Variants in PCLAF observed in about 807,000 individuals in gnomAD.
PCLAF encodes the protein PCNA clamp associated factor.
A neutral mutation model predicts 15.1 loss-of-function variants in PCLAF; 12 were observed. The observed-to-expected ratio is 0.79, with a 90% CI of 0.51 to 1.29. The LOEUF is 1.29. Ranked by LOEUF, PCLAF falls within the 50% of genes most tolerant of loss-of-function variation. The pLI, the probability that PCLAF is intolerant of heterozygous loss-of-function variation, is 0.00. For synonymous variants in PCLAF, 33 were observed against 47.1 expected (o/e 0.70, Z 1.22); for missense variants, 116 against 130.9 (o/e 0.89, Z 0.56).
chr15:64,379,719 T>C (rs1224736061), intron 2 of PCLAF, among the ~76,000 whole-genome samples: 1 of 152,186 alleles, frequency 6.6e-6, no homozygotes. Flanking sequence ...TTAATCTCCC[T>C]GTCTGCCAAA....
chr15:64,374,982 C>T lies in PCLAF; in HGVS notation c.290+1761G>A, dbSNP rs1448604325. Among the ~76,000 whole-genome samples the T allele has an allele frequency of 6.6e-5, 10 of 151,896 alleles. No individual in the cohort carries two copies. The East Asian group carries it at 1.9e-3, about 29-fold the overall frequency. On this transcript the variant is annotated intron_variant, in intron 3 of 3. Transcript: ENST00000300035. ...AAGTTTGGTGTGTGTAGTTTTATCC[C>T]TACTTTTTGTTTTTCACTATTCTTA...
upstream of PCLAF, chr15:64,381,472 T>G (rs1283577033): frequency 1.9e-6 from 3 of 1,608,396 alleles, no homozygotes; most frequent in Non-Finnish European, 2.5e-6. Flanking sequence ...CAGTTTATAT[T>G]GGTCTCTTTC....
At chr15:64,367,556 GT>G (rs1010482232) in intron 3 of PCLAF, among the ~76,000 whole-genome samples, 10 of 149,190 alleles carry the variant, frequency 6.7e-5, no homozygotes, top group Non-Finnish European at 1.3e-4. Context: ...ACCCATTATA[GT>G]TTTTTTTTTG....
chr15:64,384,292 T>C (rs1304213625), upstream of PCLAF, among the ~76,000 whole-genome samples: 1 of 151,874 alleles, frequency 6.6e-6, no homozygotes, highest in African/African-American at 2.4e-5. Flanking sequence ...TGCCACCACA[T>C]CCAGCTAACT....
chr15:64,382,249 G>A (rs1899841536), upstream of PCLAF, among the ~76,000 whole-genome samples: 1 of 151,718 alleles, frequency 6.6e-6, no homozygotes. Context: ...AAAATTAGCC[G>A]GGTGCAGTGG....
Position 64,371,001 on chromosome 15 carries a change from C to T in PCLAF, c.291-4926G>A, listed in dbSNP as rs1899287336. Among the ~76,000 whole-genome samples, 3 of 139,970 alleles carry T rather than the reference C, an allele frequency of 2.1e-5. No individual in the cohort carries two copies. The South Asian group carries it at 6.7e-4, about 31-fold the overall frequency. 91.8% of individuals were successfully genotyped at this position (139,970 alleles called of 152,430 possible). On this transcript the variant is annotated intron_variant, in intron 3 of 3. Coordinates refer to ENST00000300035, the MANE Select transcript of PCLAF (RefSeq NM_014736.6). ...TTTTTTTTTTTGAGACGGAGTCTCGCGCTGTCGCCCAGGCTGGAGTGCAGT... is the reference window on the plus strand; with the variant it reads ...TTTTTTTTTTTGAGACGGAGTCTCGTGCTGTCGCCCAGGCTGGAGTGCAGT...
At position 64,380,981 on chromosome 15, in the gene PCLAF, G is replaced by A. The variant is rs1403606308; in HGVS notation, c.104C>T (p.Ser35Leu). ...ACCTTTCCTCGATGAAACTGATGTC[G>A]AATTAGTGGCAGAGGTGGAAGAACC... ...VLGSSTSATN[S>L]TSVSSRKAEN... The change falls in exon 2 of 4, where the codon TCG becomes TTG. Residue 35 changes from serine to leucine, a missense_variant. Ser to Leu is a moderately radical substitution (Grantham distance 145, BLOSUM62 -2). Coordinates refer to ENST00000300035, the MANE Select transcript of PCLAF (RefSeq NM_014736.6). 1.2e-6 allele frequency: 2 copies of A among 1,614,072 alleles called. No homozygotes were observed. The highest frequency in any genetic ancestry group is 1.7e-6 in the Non-Finnish European group (2 of 1,180,004).
chr15:64,378,782 A>G (rs931314515), intron 2 of PCLAF, among the ~76,000 whole-genome samples: 3 of 152,108 alleles, frequency 2.0e-5, no homozygotes, highest in Admixed American at 6.6e-5. Context: ...ATGGTGGCGC[A>G]TGCCTGTAAT....
chr15:64,369,014 A>T (rs1899168146), intron 3 of PCLAF, among the ~76,000 whole-genome samples: 1 of 152,204 alleles, frequency 6.6e-6, no homozygotes. Context: ...CAGAGAACTA[A>T]AAGAAATTTA....
chr15:64,385,638 GAAAAAAAAAAGA>G (rs1383643314), upstream of PCLAF, among the ~76,000 whole-genome samples: 1 of 145,082 alleles, frequency 6.9e-6, no homozygotes, highest in Non-Finnish European at 1.5e-5. Flanking sequence ...AAAAGAAAAA[GAAAAAAAAAAGA>G]AAAAGAAAAA....
rs1282238766 is a variant in PCLAF at position 64,376,738 on chromosome 15, C to G, written c.290+5G>C. On this transcript the variant is annotated splice_donor_5th_base_variant and intron_variant, in intron 3 of 3. Coordinates refer to ENST00000300035, the MANE Select transcript of PCLAF (RefSeq NM_014736.6). ...TTCTTTATATTCCAGAATATAAAAA[C>G]TTACTTTCTCTTTGCTTTTCCTAAG... 1.2e-6 allele frequency: 2 copies of G among 1,606,278 alleles called. No homozygotes were observed. The highest frequency in any genetic ancestry group is 1.7e-6 in the Non-Finnish European group (2 of 1,175,744).
intron 3 of PCLAF, among the ~76,000 whole-genome samples, chr15:64,374,005 G>T (rs1899474539): frequency 6.6e-6 from 1 of 151,876 alleles, no homozygotes; most frequent in Non-Finnish European, 1.5e-5. Flanking sequence ...ATGACCTTCA[G>T]AAATTTTTCT....
intron 3 of PCLAF, among the ~76,000 whole-genome samples, chr15:64,376,166 A>C (rs1013092964): frequency 1.3e-5 from 2 of 152,140 alleles, no homozygotes; most frequent in Non-Finnish European, 2.9e-5. Flanking sequence ...CGGAGGTTGC[A>C]GTGAGCTGAG....
chr15:64,370,189 AC>A (rs1309752329), intron 3 of PCLAF, among the ~76,000 whole-genome samples: 3 of 144,730 alleles, frequency 2.1e-5, no homozygotes, highest in African/African-American at 7.8e-5. Flanking sequence ...AGCGACTCCC[AC>A]CTTAACCTCC....
intron 3 of PCLAF, among the ~76,000 whole-genome samples, chr15:64,372,142 A>C (rs1490906304): frequency 6.6e-6 from 1 of 152,338 alleles, no homozygotes; most frequent in East Asian, 1.9e-4. Flanking sequence ...ATGCACTTCT[A>C]ATTTTTGGAA....
chr15:64,386,735 C>T (rs1002270759), intron 1 of PCLAF, among the ~76,000 whole-genome samples: 15 of 151,948 alleles, frequency 9.9e-5, no homozygotes, highest in African/African-American at 3.4e-4. Context: ...ACACTGCGCC[C>T]GGCCAATACA....
upstream of PCLAF, among the ~76,000 whole-genome samples, chr15:64,384,891 G>C (rs553243973): frequency 2.0e-5 from 3 of 151,998 alleles, no homozygotes; most frequent in Non-Finnish European, 2.9e-5. Context: ...TATGACTTAT[G>C]AGAAAAGAAT....
rs755173239 is a variant in PCLAF at position 64,365,972 on chromosome 15, A to G, written c.*58T>C. ...GGAACAAACACATTTATGTAAATTT[A>G]CATTCTAGAATACCAGGGTAAACAA... On this transcript the variant is annotated 3_prime_UTR_variant, in exon 4 of 4. Coordinates refer to ENST00000300035, the MANE Select transcript of PCLAF (RefSeq NM_014736.6). 1 of 1,366,234 alleles carries G rather than the reference A, an allele frequency of 7.3e-7. No homozygotes were observed. The highest frequency in any genetic ancestry group is 1.0e-6 in the Non-Finnish European group (1 of 962,374). 84.6% of individuals were successfully genotyped at this position (1,366,234 alleles called of 1,614,324 possible).
chr15:64,365,797 T>C lies in PCLAF; in HGVS notation c.*233A>G. On this transcript the variant is annotated 3_prime_UTR_variant, in exon 4 of 4. Transcript: ENST00000300035. The stretch of plus-strand genomic sequence containing the variant: ...TTTAGCAAGAACTAGACACTTAATT[T>C]GGTAAAAGAAACCAAACAATGCATT... The C allele has an allele frequency of 2.0e-6, 1 of 496,718 alleles. No homozygotes were observed. Among genetic ancestry groups the C allele is most frequent in the Non-Finnish European group, 3.5e-6 (1 of 282,804 alleles). 30.8% of individuals were successfully genotyped at this position (496,718 alleles called of 1,614,324 possible).
Sources: gnomAD v4.1 joint callset for allele counts (sites outside exome capture counted in the v4.1 genomes callset) on GRCh38, gnomAD v4.1.1 for gene constraint, MANE v1.5 for transcripts, NCBI Gene and HGNC (gene_info 2026-07-23, HGNC 2026-07-21) for gene names.